Variants in MARCHF1 observed in about 807,000 individuals in gnomAD.
MARCHF1 encodes the protein E3 ubiquitin-protein ligase MARCHF1.
A neutral mutation model predicts 54.2 loss-of-function variants in MARCHF1; 40 were observed. The ratio of observed to expected loss-of-function variants is 0.74; its 90% CI spans 0.57 to 0.96. MARCHF1 has a LOEUF of 0.96. MARCHF1 is among the 40% of genes least tolerant of loss of function. The pLI, the probability that MARCHF1 is intolerant of heterozygous loss-of-function variation, is 0.00. For synonymous variants in MARCHF1, 236 were observed against 236.3 expected (o/e 1.00, Z 0.01); for missense variants, 586 against 656.5 (o/e 0.89, Z 1.17).
chr4:164,300,729 C>T (rs909685523), intron 1 of MARCHF1, among the ~76,000 whole-genome samples: 2 of 152,104 alleles, frequency 1.3e-5, no homozygotes, highest in Non-Finnish European at 2.9e-5. Context: ...TATCTAGAGA[C>T]AGGGTTGTGC....
chr4:164,318,897 CAT>C (rs1349995621), intron 1 of MARCHF1, among the ~76,000 whole-genome samples: 4 of 152,280 alleles, frequency 2.6e-5, no homozygotes, highest in African/African-American at 9.6e-5. Context: ...ATAAAACACA[CAT>C]ATATTTCTAT....
chr4:164,105,606 A>C (rs977839331), intron 2 of MARCHF1, among the ~76,000 whole-genome samples: 1 of 100,480 alleles, frequency 1.0e-5, no homozygotes, highest in African/African-American at 4.3e-5. Context: ...CCTTATACAA[A>C]AATCAATTCA....
chr4:163,547,663 A>G (rs1738954954), intron 8 of MARCHF1, among the ~76,000 whole-genome samples: 1 of 152,248 alleles, frequency 6.6e-6, no homozygotes, highest in Admixed American at 6.5e-5. Context: ...TATTGGTAAA[A>G]GAATTAAATA....
Position 164,007,156 on chromosome 4 carries a change from C to A in MARCHF1, c.-247-18447G>T, listed in dbSNP as rs1169375542. ...GGTCAGGAGATCAAGACAATCCTGG[C>A]TAGCACGGTAAAACCCTGTCTCTAC... is the stretch of plus-strand genomic sequence containing the variant. On this transcript the variant is annotated intron_variant, in intron 2 of 9. Transcript: ENST00000514618. Among the ~76,000 whole-genome samples, 4 of 150,210 alleles carry A rather than the reference C, an allele frequency of 2.7e-5. No individual in the cohort carries two copies. The East Asian group carries it at 7.8e-4, about 29-fold the overall frequency.
chr4:163,718,284 A>G (rs1300800480), intron 4 of MARCHF1, among the ~76,000 whole-genome samples: 1 of 152,232 alleles, frequency 6.6e-6, no homozygotes. Flanking sequence ...AATGGCAACA[A>G]AAGCCAAAAT....
chr4:164,322,595 G>A (rs1306599394), intron 1 of MARCHF1, among the ~76,000 whole-genome samples: 1 of 151,950 alleles, frequency 6.6e-6, no homozygotes, highest in Non-Finnish European at 1.5e-5. Flanking sequence ...TAACTCAAAG[G>A]ATAAATGCTT....
intron 5 of MARCHF1, among the ~76,000 whole-genome samples, chr4:163,633,472 G>A (rs898231241): frequency 2.3e-4 from 35 of 152,312 alleles, no homozygotes; most frequent in African/African-American, 7.5e-4. Context: ...GAGCCGATGC[G>A]ATCAACTGCA....
At chr4:163,801,182 C>T (rs1240515197) in intron 4 of MARCHF1, among the ~76,000 whole-genome samples, 2 of 152,102 alleles carry the variant, frequency 1.3e-5, no homozygotes, top group South Asian at 2.1e-4. Context: ...TGTTGCTTAA[C>T]GACACCATTC....
chr4:164,012,147 A>G (rs1487794534), intron 2 of MARCHF1, among the ~76,000 whole-genome samples: 2 of 152,190 alleles, frequency 1.3e-5, no homozygotes, highest in Non-Finnish European at 2.9e-5. Flanking sequence ...GTCAGGACAC[A>G]AGGATCACAG....
chr4:164,217,384 A>G (rs1306396551), intron 1 of MARCHF1, among the ~76,000 whole-genome samples: 1 of 152,220 alleles, frequency 6.6e-6, no homozygotes, highest in Non-Finnish European at 1.5e-5. Flanking sequence ...TTGTTAAACA[A>G]AGAAAACAAA....
chr4:164,350,238 T>A (rs1183750732), intron 1 of MARCHF1, among the ~76,000 whole-genome samples: 3 of 152,174 alleles, frequency 2.0e-5, no homozygotes, highest in Non-Finnish European at 2.9e-5. Context: ...ATGTTTAAAA[T>A]CAGGTGTGCC....
intron 1 of MARCHF1, chr4:164,188,902 T>A (rs1340898038): frequency 1.3e-6 from 1 of 773,692 alleles, no homozygotes; most frequent in African/African-American, 1.7e-5. Flanking sequence ...TACCAGCCTA[T>A]TTCAATGATG....
chr4:164,070,898 C>A (rs1025565071), intron 2 of MARCHF1, among the ~76,000 whole-genome samples: 1 of 152,138 alleles, frequency 6.6e-6, no homozygotes, highest in African/African-American at 2.4e-5. Context: ...CTGGGAGGCC[C>A]TTCTCCTACT....
At chr4:163,903,852 G>C (rs1400221993) in intron 3 of MARCHF1, among the ~76,000 whole-genome samples, 1 of 152,112 alleles carries the variant, frequency 6.6e-6, no homozygotes, top group East Asian at 1.9e-4. Flanking sequence ...CTGAGCTCAA[G>C]TGAGCTGCCT....
At chr4:163,645,019 C>G (rs1355398085) in intron 5 of MARCHF1, among the ~76,000 whole-genome samples, 1 of 152,146 alleles carries the variant, frequency 6.6e-6, no homozygotes, top group African/African-American at 2.4e-5. Flanking sequence ...TCAGTTACAA[C>G]CAAGGCAGTA....
At chr4:163,791,941 G>A (rs1019892235) in intron 4 of MARCHF1, among the ~76,000 whole-genome samples, 1 of 152,060 alleles carries the variant, frequency 6.6e-6, no homozygotes, top group African/African-American at 2.4e-5. Flanking sequence ...CAAGTTCTAA[G>A]ATCCCTCAAA....
chr4:164,096,274 A>G (rs187442376), intron 2 of MARCHF1, among the ~76,000 whole-genome samples: 52 of 152,278 alleles, frequency 3.4e-4, no homozygotes, highest in Admixed American at 1.4e-3. Flanking sequence ...AGCAATATGG[A>G]TGCAGCTGGA....
At chr4:164,039,128 A>G (rs956462692) in intron 2 of MARCHF1, among the ~76,000 whole-genome samples, 2 of 152,212 alleles carry the variant, frequency 1.3e-5, no homozygotes, top group Admixed American at 1.3e-4. Flanking sequence ...AGGGAGTAAA[A>G]TAATCCATTA....
chr4:164,309,688 G>C (rs1415906232), intron 1 of MARCHF1, among the ~76,000 whole-genome samples: 1 of 152,044 alleles, frequency 6.6e-6, no homozygotes, highest in Non-Finnish European at 1.5e-5. Flanking sequence ...CAAGAACATA[G>C]TAACCAACAA....
Sources: gnomAD v4.1 joint callset for allele counts (sites outside exome capture counted in the v4.1 genomes callset) on GRCh38, gnomAD v4.1.1 for gene constraint, MANE v1.5 for transcripts, NCBI Gene and HGNC (gene_info 2026-07-23, HGNC 2026-07-21) for gene names.